ADK: variants seen among roughly 807,000 people sequenced by gnomAD.
ADK encodes N6,N6-dimethyladenosine kinase.
ADK carries 24 observed loss-of-function variants against 44.7 expected under a neutral mutation model. The observed-to-expected ratio is 0.54, with a 90% CI of 0.39 to 0.76. The LOEUF is 0.76. ADK is among the 30% of genes least tolerant of loss of function. ADK has a pLI of 0.00. For missense variants in ADK, 321 were observed against 425.1 expected, an observed-to-expected ratio of 0.76 and a Z score of 2.15; for synonymous variants, 128 against 142.6, an observed-to-expected ratio of 0.90 and a Z score of 0.73.
intron 4 of ADK, chr10:74,371,930 G>A (rs759848976): frequency 1.5e-6 from 2 of 1,370,418 alleles, no homozygotes; most frequent in Non-Finnish European, 2.1e-6. Flanking sequence ...CTGACCACCA[G>A]CCTCTCACAG....
At chr10:74,688,888 C>T (rs758966623) in intron 10 of ADK, among the ~76,000 whole-genome samples, 6 of 152,184 alleles carry the variant, frequency 3.9e-5, no homozygotes, top group Non-Finnish European at 8.8e-5. Context: ...TGCACTCCAG[C>T]CTGAGTGTGT....
At position 74,347,106 on chromosome 10, in the gene ADK, C is replaced by CAAAAAAAAAAAAAA. The variant is rs58074760; in HGVS notation, c.273+32384_273+32397dup. The stretch of plus-strand genomic sequence containing the variant: ...TGGGCGACAGAGCGACACTCTGTCT[C>CAAAAAAAAAAAAAA]AAAAAAAAAAAAAAAAAAAAAAAAA... On this transcript the variant is annotated intron_variant, in intron 4 of 10. Coordinates refer to ENST00000539909, the MANE Select transcript of ADK (RefSeq NM_006721.4). 1.7e-4 allele frequency among the ~76,000 whole-genome samples: 16 copies of CAAAAAAAAAAAAAA among 92,300 alleles called. 1 individual carries two copies. The highest frequency in any genetic ancestry group is 9.6e-4 in the African/African-American group (14 of 14,578). The allele number at this position is 92,300 out of a possible 152,430, so 60.6% of individuals were successfully genotyped here. A position where few individuals can be genotyped will look rare whatever the true frequency, so the allele number is the denominator to read the frequency against.
chr10:74,450,041 C>T (rs1845717967), intron 6 of ADK, among the ~76,000 whole-genome samples: 3 of 152,132 alleles, frequency 2.0e-5, no homozygotes, highest in Admixed American at 2.0e-4. Flanking sequence ...CACATTGTCT[C>T]ACATCTGTAA....
chr10:74,418,810 A>G (rs1844461143), intron 6 of ADK, among the ~76,000 whole-genome samples: 1 of 152,190 alleles, frequency 6.6e-6, no homozygotes, highest in Admixed American at 6.5e-5. Context: ...GCCATTTTGA[A>G]TTAACCTATT....
In ADK at chr10:74,303,588, G is replaced by GTTTT. The variant is rs1185036462; in HGVS notation, c.195-11056_195-11053dup. ...CACTTTTCATATTGGTTTTAATGTTGTTTTTTTTTTTTTTTTTTTTTTTTT... is the reference window on the plus strand; with the variant it reads ...CACTTTTCATATTGGTTTTAATGTTGTTTTTTTTTTTTTTTTTTTTTTTTTTTTT... On this transcript the variant is annotated intron_variant, in intron 3 of 10. Coordinates refer to ENST00000539909, the MANE Select transcript of ADK (RefSeq NM_006721.4). Among the ~76,000 whole-genome samples, 14 of 68,578 alleles carry GTTTT rather than the reference G, an allele frequency of 2.0e-4. 2 individuals are homozygous for GTTTT. Among genetic ancestry groups the GTTTT allele is most frequent in the East Asian group, 1.8e-3 (4 of 2,178 alleles). 45.0% of individuals were successfully genotyped at this position (68,578 alleles called of 152,430 possible).
intron 3 of ADK, among the ~76,000 whole-genome samples, chr10:74,277,009 C>G (rs1846709359): frequency 6.6e-6 from 1 of 152,166 alleles, no homozygotes; most frequent in Admixed American, 6.5e-5. Flanking sequence ...ACTCCACTTC[C>G]CCAGTTCAAG....
intron 8 of ADK, among the ~76,000 whole-genome samples, chr10:74,598,082 A>G (rs1851983822): frequency 6.6e-6 from 1 of 152,178 alleles, no homozygotes; most frequent in Non-Finnish European, 1.5e-5. Context: ...AGATGAGGAA[A>G]TGGATCTTAG....
At chr10:74,237,065 G>T (rs1449839230) in intron 3 of ADK, among the ~76,000 whole-genome samples, 1 of 152,146 alleles carries the variant, frequency 6.6e-6, no homozygotes, top group Non-Finnish European at 1.5e-5. Context: ...AGACAATAAT[G>T]AAGTTTGCTG....
At chr10:74,426,807 T>C (rs1056365280) in intron 6 of ADK, among the ~76,000 whole-genome samples, 1 of 152,138 alleles carries the variant, frequency 6.6e-6, no homozygotes, top group African/African-American at 2.4e-5. Flanking sequence ...TTTTTTATTA[T>C]TATACTTTAA....
At chr10:74,440,529 C>T (rs1845365369) in intron 6 of ADK, among the ~76,000 whole-genome samples, 2 of 152,088 alleles carry the variant, frequency 1.3e-5, no homozygotes, top group African/African-American at 2.4e-5. Context: ...TTATCATACC[C>T]TAATGAGATA....
chr10:74,483,471 A>C (rs1269705873), intron 6 of ADK, among the ~76,000 whole-genome samples: 1 of 152,180 alleles, frequency 6.6e-6, no homozygotes, highest in Non-Finnish European at 1.5e-5. Flanking sequence ...CTCGGCTATT[A>C]ACATTTGGCT....
At chr10:74,254,035 G>A (rs1245450412) in intron 3 of ADK, among the ~76,000 whole-genome samples, 4 of 152,062 alleles carry the variant, frequency 2.6e-5, no homozygotes, top group Non-Finnish European at 5.9e-5. Context: ...CCAAAGTGCT[G>A]GGATTACAGG....
At chr10:74,621,658 G>A (rs1852998602) in intron 9 of ADK, among the ~76,000 whole-genome samples, 1 of 152,084 alleles carries the variant, frequency 6.6e-6, no homozygotes, top group Admixed American at 6.6e-5. Flanking sequence ...ATCACTTTGG[G>A]TAGTATATAG....
At chr10:74,222,315 C>A (rs1844342297) in intron 2 of ADK, among the ~76,000 whole-genome samples, 3 of 152,076 alleles carry the variant, frequency 2.0e-5, no homozygotes, top group Admixed American at 2.0e-4. Context: ...AGTGAGATAT[C>A]ATCTCACACC....
intron 3 of ADK, among the ~76,000 whole-genome samples, chr10:74,227,816 C>G (rs190598013): frequency 2.0e-5 from 3 of 152,160 alleles, no homozygotes; most frequent in Admixed American, 6.5e-5. Context: ...GCACTCCAGC[C>G]TGGGTGACAG....
intron 3 of ADK, among the ~76,000 whole-genome samples, chr10:74,287,318 G>A (rs1405505052): frequency 6.6e-6 from 1 of 152,100 alleles, no homozygotes; most frequent in Non-Finnish European, 1.5e-5. Flanking sequence ...CAAAAAATTA[G>A]TGGGGCGTGG....
At chr10:74,376,777 C>CTTTTT (rs35675013) in intron 4 of ADK, among the ~76,000 whole-genome samples, 1 of 135,378 alleles carries the variant, frequency 7.4e-6, no homozygotes, top group South Asian at 2.3e-4. Context: ...TCTCTCTCGT[C>CTTTTT]TTTTTTTTTT....
intron 3 of ADK, among the ~76,000 whole-genome samples, chr10:74,240,268 T>C (rs1411665272): frequency 6.6e-6 from 1 of 152,132 alleles, no homozygotes; most frequent in African/African-American, 2.4e-5. Context: ...AGACTTGTAA[T>C]ATAACAGTAA....
chr10:74,177,945 A>ATATATATATATTTTT (rs10693309), intron 1 of ADK, among the ~76,000 whole-genome samples: 2 of 109,010 alleles, frequency 1.8e-5, no homozygotes, highest in Non-Finnish European at 3.7e-5. Context: ...ATATATATAT[A>ATATATATATATTTTT]TTTTTTTTTT....
Sources: gnomAD v4.1 joint callset for allele counts (sites outside exome capture counted in the v4.1 genomes callset) on GRCh38, gnomAD v4.1.1 for gene constraint, MANE v1.5 for transcripts, NCBI Gene and HGNC (gene_info 2026-07-23, HGNC 2026-07-21) for gene names.